Variants in FNDC7 observed in about 807,000 individuals in gnomAD.
FNDC7 encodes the protein fibronectin type III domain-containing protein 7.
Under a neutral mutation model 74.2 loss-of-function variants are expected in FNDC7, and 66 were observed. The ratio of observed to expected loss-of-function variants is 0.89; its 90% CI spans 0.73 to 1.09. The LOEUF (loss-of-function observed/expected upper bound fraction) is 1.09, where lower values mean the gene tolerates loss of function less well. Among genes scored for constraint, FNDC7 ranks in the 50% least tolerant of loss-of-function variants. FNDC7 has a pLI of 0.00. For synonymous variants in FNDC7, 307 were observed against 330.2 expected (o/e 0.93, Z 0.76); for missense variants, 829 against 893.4 (o/e 0.93, Z 0.92).
chr1:108,725,623 C>T lies in FNDC7; in HGVS notation c.857-127C>T. ...CCAGTGCACAGTTTTGCATTTTGTG[C>T]ACCAAATTCAATCTGTCACAAAGCT... On this transcript the variant is annotated intron_variant, in intron 5 of 12. Transcript: ENST00000370017. The T allele has an allele frequency of 1.9e-6, 2 of 1,027,352 alleles. 1 individual carries two copies. The highest frequency in any genetic ancestry group is 3.3e-5 in the South Asian group (2 of 60,074). 63.6% of individuals were successfully genotyped at this position (1,027,352 alleles called of 1,614,324 possible). A position where few individuals can be genotyped will look rare whatever the true frequency, so the allele number is the denominator to read the frequency against.
rs757740074 is a variant in FNDC7, at chr1:108,733,303, T to C, written c.1911T>C (p.Tyr637=). 6.2e-7 allele frequency: 1 copy of C among 1,613,012 alleles called. No homozygotes were observed. Among genetic ancestry groups the C allele is most frequent in the Non-Finnish European group, 8.5e-7 (1 of 1,179,040 alleles). ...GACCPLGVKL[Y]RLGPNGIRIY... is the part of the protein sequence containing the mutation. ...GCTGCCCTTTGGGGGTGAAATTATA[T>C]AGGCTGGGCCCTAATGGCATCCGGA... is the stretch of plus-strand genomic sequence containing the variant. The change falls in exon 10 of 13, where the codon TAT becomes TAC. Residue 637 remains tyrosine (Y), a synonymous_variant. Coordinates refer to ENST00000370017, the MANE Select transcript of FNDC7 (RefSeq NM_001144937.3).
At chr1:108,733,218 G>T in intron 9 of FNDC7, 54 bp from the exon 10 acceptor site, 2 of 1,581,314 alleles carry the variant, frequency 1.3e-6, no homozygotes, top group Admixed American at 1.8e-5. Flanking sequence ...GGCCATTTTT[G>T]GATGATGGTG....
chr1:108,713,532 A>C lies in FNDC7; in HGVS notation c.82+3A>C. 1 of 1,546,312 alleles carries C rather than the reference A, an allele frequency of 6.5e-7. No individual in the cohort carries two copies. Among genetic ancestry groups the C allele is most frequent in the South Asian group, 1.2e-5 (1 of 82,250 alleles). Reference sequence around the variant, plus strand: ...TCAGGTTGCTTCAGCAAAATCAGGTACAATTTTCTGACCTGCAAGTTTTTC... The same window carrying C: ...TCAGGTTGCTTCAGCAAAATCAGGTCCAATTTTCTGACCTGCAAGTTTTTC... On this transcript the variant is annotated splice_donor_region_variant and intron_variant, in intron 2 of 12. Coordinates refer to ENST00000370017, the MANE Select transcript of FNDC7 (RefSeq NM_001144937.3).
At chr1:108,731,296 GCTA>G (rs1288954864) in intron 9 of FNDC7, among the ~76,000 whole-genome samples, 1 of 152,070 alleles carries the variant, frequency 6.6e-6, no homozygotes, top group Admixed American at 6.6e-5. Flanking sequence ...TTATTATTGT[GCTA>G]CTACCTCTCT....
chr1:108,735,485 C>G (rs995802667), intron 10 of FNDC7, among the ~76,000 whole-genome samples: 1 of 152,136 alleles, frequency 6.6e-6, no homozygotes, highest in Non-Finnish European at 1.5e-5. Context: ...TCTACTTATA[C>G]CTGCACTGTT....
intron 11 of FNDC7, among the ~76,000 whole-genome samples, chr1:108,740,654 G>T (rs1015347594): frequency 6.6e-6 from 1 of 152,074 alleles, no homozygotes; most frequent in Non-Finnish European, 1.5e-5. Context: ...GAGAGATCTG[G>T]ATTCAAATCC....
At chr1:108,731,934 A>C (rs1050001066) in intron 9 of FNDC7, among the ~76,000 whole-genome samples, 5 of 152,214 alleles carry the variant, frequency 3.3e-5, no homozygotes, top group African/African-American at 1.2e-4. Context: ...AGAATAAATC[A>C]AGTAAGCCTG....
At chr1:108,716,306 G>A (rs997350174) in intron 2 of FNDC7, among the ~76,000 whole-genome samples, 1 of 146,818 alleles carries the variant, frequency 6.8e-6, no homozygotes, top group Non-Finnish European at 1.5e-5. Context: ...CATTAGCTTG[G>A]GGAGCAGAAG....
chr1:108,735,670 C>A (rs1005290118), intron 10 of FNDC7, among the ~76,000 whole-genome samples: 2 of 152,144 alleles, frequency 1.3e-5, no homozygotes, highest in African/African-American at 4.8e-5. Flanking sequence ...ATATTTTGTA[C>A]ATTTTTCATA....
chr1:108,720,488 T>TC (rs377663935), intron 4 of FNDC7, among the ~76,000 whole-genome samples: 3 of 152,216 alleles, frequency 2.0e-5, no homozygotes, highest in African/African-American at 7.2e-5. Context: ...TACATAGGTT[T>TC]CCCCATGTTT....
intron 9 of FNDC7, among the ~76,000 whole-genome samples, 190 bp from the exon 10 acceptor site, chr1:108,733,082 A>G (rs1002346930): frequency 1.3e-5 from 2 of 151,820 alleles, no homozygotes; most frequent in African/African-American, 4.8e-5. Context: ...CCACCCATGG[A>G]TTTCTGATTA....
intron 4 of FNDC7, 53 bp downstream of exon 4, chr1:108,719,102 G>A (rs1356923648): frequency 6.5e-7 from 1 of 1,542,530 alleles, no homozygotes; most frequent in Non-Finnish European, 8.8e-7. Context: ...TTAATGAGGG[G>A]GGCTGTGTGT....
rs535309727 is a variant in FNDC7, at chr1:108,729,433, T to C, written c.1624+547T>C. On this transcript the variant is annotated intron_variant, in intron 8 of 12. Transcript: ENST00000370017. Reference sequence around the variant, plus strand: ...GCGGGGTGGTGGGCACCTATAGTCCTGGCTACTCAGCAGGCTGAGGCAGGA... The same window carrying C: ...GCGGGGTGGTGGGCACCTATAGTCCCGGCTACTCAGCAGGCTGAGGCAGGA... Among the ~76,000 whole-genome samples the C allele has an allele frequency of 3.0e-3, 457 of 151,990 alleles. 2 individuals carry two copies. Among genetic ancestry groups the C allele is most frequent in the African/African-American group, 0.011 (448 of 41,446 alleles).
chr1:108,737,110 G>A (rs1317941789), intron 10 of FNDC7, among the ~76,000 whole-genome samples: 1 of 151,874 alleles, frequency 6.6e-6, no homozygotes, highest in Non-Finnish European at 1.5e-5. Context: ...GGGATTACAG[G>A]TGTGCACAAC....
intron 4 of FNDC7, among the ~76,000 whole-genome samples, chr1:108,720,085 G>A (rs568728648): frequency 6.6e-6 from 1 of 152,306 alleles, no homozygotes; most frequent in East Asian, 1.9e-4. Context: ...GTCTTGGTGA[G>A]TCAGGATGTC....
At chr1:108,726,965 G>A (rs116705365) in intron 6 of FNDC7, among the ~76,000 whole-genome samples, 1,639 of 152,238 alleles carry the variant, frequency 0.011, 27 homozygotes, top group African/African-American at 0.038. Context: ...TGGGGCAAGA[G>A]CATCCCAGGG....
At chr1:108,724,537 T>C (rs1557789017) in intron 5 of FNDC7, among the ~76,000 whole-genome samples, 1 of 151,938 alleles carries the variant, frequency 6.6e-6, no homozygotes, top group Non-Finnish European at 1.5e-5. Context: ...GTGGATTGCT[T>C]GAGTCCAGGA....
chr1:108,728,260 A>G (rs1227921102), intron 7 of FNDC7, among the ~76,000 whole-genome samples, 195 bp downstream of exon 7: 1 of 152,162 alleles, frequency 6.6e-6, no homozygotes, highest in Non-Finnish European at 1.5e-5. Context: ...AAAAATGAAA[A>G]CAAAAGGGGA....
chr1:108,720,833 A>G (rs1661077532), intron 4 of FNDC7, among the ~76,000 whole-genome samples: 1 of 152,230 alleles, frequency 6.6e-6, no homozygotes, highest in Non-Finnish European at 1.5e-5. Flanking sequence ...TTACCTGATT[A>G]CATCTGCTAT....
Sources: gnomAD v4.1 joint callset for allele counts (sites outside exome capture counted in the v4.1 genomes callset) on GRCh38, gnomAD v4.1.1 for gene constraint, MANE v1.5 for transcripts, NCBI Gene and HGNC (gene_info 2026-07-23, HGNC 2026-07-21) for gene names.